Variants in DPM1 observed in about 807,000 individuals in gnomAD.
The protein encoded by DPM1 is dolichyl-phosphate mannosyltransferase subunit 1, catalytic, also known as dolichol-phosphate mannosyltransferase subunit 1.
Under a neutral mutation model 39.0 loss-of-function variants are expected in DPM1, and 27 were observed. The observed-to-expected ratio is 0.69, with a 90% CI of 0.51 to 0.95. The LOEUF is 0.95. Ranked by LOEUF, DPM1 falls within the 40% of genes least tolerant of loss-of-function variation. The pLI, the probability that DPM1 is intolerant of heterozygous loss-of-function variation, is 0.00. For missense variants in DPM1, 307 were observed against 315.6 expected, an observed-to-expected ratio of 0.97 and a Z score of 0.21; for synonymous variants, 124 against 109.0, an observed-to-expected ratio of 1.14 and a Z score of -0.86.
intron 3 of DPM1, among the ~76,000 whole-genome samples, chr20:50,946,709 A>G (rs961209127): frequency 6.6e-6 from 1 of 152,336 alleles, no homozygotes; most frequent in African/African-American, 2.4e-5. Context: ...GGATTCCTGC[A>G]TTCTCTAGTC....
chr20:50,937,743 G>A (rs1026332880), intron 7 of DPM1, among the ~76,000 whole-genome samples: 25 of 152,090 alleles, frequency 1.6e-4, no homozygotes, highest in African/African-American at 6.0e-4. Flanking sequence ...TGAGACTACA[G>A]GCATGTGCCA....
chr20:50,955,045 G>T, intron 2 of DPM1, 141 bp downstream of exon 2: 1 of 706,834 alleles, frequency 1.4e-6, no homozygotes, highest in South Asian at 1.7e-5. Context: ...CAACAAAAAT[G>T]CATTTAAATC....
rs928064726 is a variant in DPM1, at chr20:50,934,985, T to A, written c.*147A>T. The A allele has an allele frequency of 1.2e-5, 7 of 582,942 alleles. No homozygotes were observed. Among genetic ancestry groups the A allele is most frequent in the Non-Finnish European group, 2.1e-5 (7 of 325,672 alleles). The allele number at this position is 582,942 out of a possible 1,614,324, so 36.1% of individuals were successfully genotyped here. On this transcript the variant is annotated 3_prime_UTR_variant, in exon 9 of 9. Coordinates refer to ENST00000371588, the MANE Select transcript of DPM1 (RefSeq NM_003859.3). ...CTTTAAAATTATTTAATTTGAAATATAAAATAGGTGGTCTTCATAAAAAGA... is the reference window on the plus strand; with the variant it reads ...CTTTAAAATTATTTAATTTGAAATAAAAAATAGGTGGTCTTCATAAAAAGA...
chr20:50,950,799 AG>A (rs1986533909), intron 2 of DPM1, among the ~76,000 whole-genome samples: 1 of 152,072 alleles, frequency 6.6e-6, no homozygotes, highest in Non-Finnish European at 1.5e-5. Flanking sequence ...GAACCCGGGA[AG>A]TAGAGGTTGC....
rs2042407602 is a variant in DPM1 at position 50,941,250 on chromosome 20, AT to A, written c.495-318del. On this transcript the variant is annotated intron_variant, in intron 6 of 8. Transcript: ENST00000371588. ...TGAATATATATATATATATATATAT[AT>A]ATATATATATATAAATAAAATACAT... is the stretch of plus-strand genomic sequence containing the variant. 9 of 173,090 alleles carry A rather than the reference AT, an allele frequency of 5.2e-5. 1 individual carries two copies. Among genetic ancestry groups the A allele is most frequent in the Middle Eastern group, 4.4e-3 (2 of 454 alleles). The allele number at this position is 173,090 out of a possible 1,614,324, so 10.7% of individuals were successfully genotyped here.
chr20:50,943,038 T>C (rs1178394892), intron 5 of DPM1, among the ~76,000 whole-genome samples: 1 of 152,022 alleles, frequency 6.6e-6, no homozygotes, highest in Non-Finnish European at 1.5e-5. Context: ...TAGCCAGGTG[T>C]AGTGGCACGT....
At chr20:50,945,308 G>GTGTGTGTT (rs1986208192) in intron 5 of DPM1, among the ~76,000 whole-genome samples, 1 of 116,228 alleles carries the variant, frequency 8.6e-6, no homozygotes, top group Admixed American at 8.3e-5. Context: ...GTGTGTGTGT[G>GTGTGTGTT]TGTGTGTGTG....
chr20:50,945,804 C>CTAATATGGTAT, intron 4 of DPM1, 42 bp from the exon 5 acceptor site: 1 of 1,611,086 alleles, frequency 6.2e-7, no homozygotes, highest in Non-Finnish European at 8.5e-7. Flanking sequence ...GTAAAACAGG[C>CTAATATGGTAT]TAAGACTACC....
intron 8 of DPM1, 84 bp downstream of exon 8, chr20:50,936,064 A>T: frequency 1.0e-6 from 1 of 975,838 alleles, no homozygotes; most frequent in Non-Finnish European, 1.6e-6. Context: ...CAGTTATGAA[A>T]GTTAAACTTT....
chr20:50,951,916 T>C (rs748014151), intron 2 of DPM1, among the ~76,000 whole-genome samples: 1 of 152,234 alleles, frequency 6.6e-6, no homozygotes, highest in Non-Finnish European at 1.5e-5. Context: ...ACTATTTCTA[T>C]TTGGTATGCT....
At chr20:50,952,669 G>A (rs986733865) in intron 2 of DPM1, among the ~76,000 whole-genome samples, 1 of 152,144 alleles carries the variant, frequency 6.6e-6, no homozygotes, top group Non-Finnish European at 1.5e-5. Context: ...TATCTGGTTG[G>A]TTGGGGTACT....
At chr20:50,949,359 T>C (rs1197501234) in intron 2 of DPM1, among the ~76,000 whole-genome samples, 1 of 152,220 alleles carries the variant, frequency 6.6e-6, no homozygotes, top group Non-Finnish European at 1.5e-5. Flanking sequence ...GTTCTCTCGA[T>C]TCCCTTTGGG....
At chr20:50,940,445 C>T (rs1391228165) in intron 7 of DPM1, among the ~76,000 whole-genome samples, 1 of 152,118 alleles carries the variant, frequency 6.6e-6, no homozygotes, top group African/African-American at 2.4e-5. Flanking sequence ...AATTGAACAA[C>T]AAAAATTTCC....
intron 3 of DPM1, among the ~76,000 whole-genome samples, chr20:50,946,225 AT>A (rs1206019755): frequency 6.6e-6 from 1 of 152,264 alleles, no homozygotes; most frequent in Non-Finnish European, 1.5e-5. Context: ...TAGCACAATT[AT>A]CACATTCTCA....
At chr20:50,958,260 C>T in intron 1 of DPM1, 103 bp downstream of exon 1, 2 of 1,488,406 alleles carry the variant, frequency 1.3e-6, no homozygotes, top group Non-Finnish European at 1.8e-6. Context: ...CTGTGTGAGG[C>T]AAAGAAGGCT....
intron 2 of DPM1, among the ~76,000 whole-genome samples, chr20:50,953,670 ATGT>A (rs1986694114): frequency 2.6e-5 from 4 of 152,300 alleles, no homozygotes; most frequent in African/African-American, 7.2e-5. Context: ...TTTGAAGACA[ATGT>A]TGTTCCAAAA....
rs760547899 is a variant in DPM1, at chr20:50,935,094, A to G, written c.*38T>C. The G allele has an allele frequency of 1.7e-6, 2 of 1,189,634 alleles. No individual in the cohort carries two copies. Among genetic ancestry groups the G allele is most frequent in the Non-Finnish European group, 2.5e-6 (2 of 796,414 alleles). The allele number at this position is 1,189,634 out of a possible 1,614,324, so 73.7% of individuals were successfully genotyped here. On this transcript the variant is annotated 3_prime_UTR_variant, in exon 9 of 9. Transcript: ENST00000371588. ...AGTAACCAGGCTTCTTTCATGTTTA[A>G]CCTGAAATGAACGTAACTATAAATG...
rs1986252958 is a variant in DPM1 at position 50,945,852 on chromosome 20, G to A, written c.367C>T (p.His123Tyr). 2 of 1,613,172 alleles carry A rather than the reference G, an allele frequency of 1.2e-6. No homozygotes were observed. The highest frequency in any genetic ancestry group is 1.1e-5 in the South Asian group (1 of 91,060). Residue 123 changes from histidine to tyrosine, a missense_variant, in exon 4 of 9, where the codon CAC becomes TAC. Physicochemically the swap from His to Tyr is moderately conservative, Grantham distance 83. Transcript: ENST00000371588. ...YIIIMDADLS[H>Y]HPKFIPEFIR... ...TAAAGAAACATACCACTTACATGGTGTGAGAGATCAGCATCCATAATAATG... is the reference window on the plus strand; with the variant it reads ...TAAAGAAACATACCACTTACATGGTATGAGAGATCAGCATCCATAATAATG...
Position 50,936,226 on chromosome 20 carries a change from T to G in DPM1, c.600A>C (p.Glu200Asp), listed in dbSNP as rs1215353621. Residue 200 changes from glutamate (E) to aspartate (D), a missense_variant, in exon 8 of 9, where the codon GAA becomes GAC. Glu to Asp is a conservative substitution (Grantham distance 45). Coordinates refer to ENST00000371588, the MANE Select transcript of DPM1 (RefSeq NM_003859.3). ...AGACGTAGCCTTTAGAAACACATTT[T>G]TCTATTAATTTCTCTAGAACTTCTT... is the stretch of plus-strand genomic sequence containing the variant. The part of the protein sequence containing the change: ...YRKEVLEKLI[E>D]KCVSKGYVFQ... 1 of 1,612,502 alleles carries G rather than the reference T, an allele frequency of 6.2e-7. No individual in the cohort carries two copies. Among genetic ancestry groups the G allele is most frequent in the Admixed American group, 1.7e-5 (1 of 59,998 alleles).
Sources: allele counts gnomAD v4.1 joint callset (sites outside exome capture counted in the v4.1 genomes callset), GRCh38; gene constraint gnomAD v4.1.1; transcripts MANE v1.5; gene names NCBI Gene and HGNC (gene_info 2026-07-23, HGNC 2026-07-21).